Variants in CHRM3 observed in about 807,000 individuals in gnomAD.
The protein encoded by CHRM3 is muscarinic acetylcholine receptor M3.
CHRM3 carries 11 observed loss-of-function variants against 41.8 expected under a neutral mutation model. The observed-to-expected ratio is 0.26, with a 90% confidence interval of 0.17 to 0.44. The LOEUF (loss-of-function observed/expected upper bound fraction) is 0.44, where lower values mean the gene tolerates loss of function less well. Ranked by LOEUF, CHRM3 falls within the 20% of genes least tolerant of loss-of-function variation. CHRM3 has a pLI of 1.00. For synonymous variants in CHRM3, 297 were observed against 301.4 expected, an observed-to-expected ratio of 0.99 and a Z score of 0.15; for missense variants, 571 against 745.4, an observed-to-expected ratio of 0.77 and a Z score of 2.72.
intron 3 of CHRM3, among the ~76,000 whole-genome samples, chr1:239,581,712 G>T (rs1030283481): frequency 3.9e-4 from 60 of 152,228 alleles, no homozygotes; most frequent in African/African-American, 1.4e-3. Context: ...AAAGTAGGTA[G>T]TATCCCTATT....
intron 6 of CHRM3, among the ~76,000 whole-genome samples, chr1:239,847,242 G>A (rs1301756777): frequency 6.6e-6 from 1 of 152,290 alleles, no homozygotes; most frequent in East Asian, 1.9e-4. Flanking sequence ...CTGACTGCCA[G>A]AAAGATAGGA....
At position 239,551,568 on chromosome 1, in the gene CHRM3, A is replaced by G. The variant is rs562267141; in HGVS notation, c.-313+5819A>G. ...TGTGTCAATAAATGAGTAGCTATACATCACTCAGAGGAGGACTTAAACTTG... is the reference window on the plus strand; with the variant it reads ...TGTGTCAATAAATGAGTAGCTATACGTCACTCAGAGGAGGACTTAAACTTG... On this transcript the variant is annotated intron_variant, in intron 3 of 6. Coordinates refer to ENST00000676153, the MANE Select transcript of CHRM3 (RefSeq NM_001375978.1). 2.0e-5 allele frequency among the ~76,000 whole-genome samples: 3 copies of G among 151,828 alleles called. 1 individual carries two copies. The South Asian group carries it at 6.2e-4, about 32-fold the overall frequency.
chr1:239,817,763 C>G (rs1018531507), intron 5 of CHRM3, among the ~76,000 whole-genome samples: 3 of 152,120 alleles, frequency 2.0e-5, no homozygotes, highest in Non-Finnish European at 4.4e-5. Context: ...CCTTGGCACA[C>G]TCAGGGAACT....
intron 2 of CHRM3, among the ~76,000 whole-genome samples, chr1:239,516,591 G>A (rs1233908995): frequency 1.3e-5 from 2 of 152,166 alleles, no homozygotes; most frequent in South Asian, 2.1e-4. Context: ...GCCTCTTGAA[G>A]CTTCAGTTCC....
Position 239,697,582 on chromosome 1 carries a change from G to A in CHRM3, c.-147+19294G>A, listed in dbSNP as rs571249549. Among the ~76,000 whole-genome samples, 4 of 152,300 alleles carry A rather than the reference G, an allele frequency of 2.6e-5. No homozygotes were observed. The South Asian group carries it at 8.3e-4, about 32-fold the overall frequency. On this transcript the variant is annotated intron_variant, in intron 5 of 6. Coordinates refer to ENST00000676153, the MANE Select transcript of CHRM3 (RefSeq NM_001375978.1). Reference sequence around the variant, plus strand: ...AAGGATAGAAAGGAGATGGGTTTGAGTGCAGAGAAACCAGTCCCTAAGAAC... The same window carrying A: ...AAGGATAGAAAGGAGATGGGTTTGAATGCAGAGAAACCAGTCCCTAAGAAC...
chr1:239,463,899 A>G (rs181880541), intron 1 of CHRM3, among the ~76,000 whole-genome samples: 1 of 152,296 alleles, frequency 6.6e-6, no homozygotes, highest in Non-Finnish European at 1.5e-5. Context: ...TATGAATTTC[A>G]GGATCTTAGA....
rs367585102 is a variant in CHRM3 at position 239,506,354 on chromosome 1, C to T, written c.-422+13547C>T. Among the ~76,000 whole-genome samples the T allele has an allele frequency of 4.6e-5, 7 of 152,146 alleles. No homozygotes were observed. The East Asian group carries it at 9.7e-4, about 21-fold the overall frequency. Reference sequence around the variant, plus strand: ...CTGTGCAGCCTAGGGACTTGGTATCCTGTGTTCTAGCCACTCCAGCCATGG... The same window carrying T: ...CTGTGCAGCCTAGGGACTTGGTATCTTGTGTTCTAGCCACTCCAGCCATGG... On this transcript the variant is annotated intron_variant, in intron 2 of 6. Coordinates refer to ENST00000676153, the MANE Select transcript of CHRM3 (RefSeq NM_001375978.1).
At chr1:239,411,148 A>G (rs1260625417) in intron 1 of CHRM3, among the ~76,000 whole-genome samples, 1 of 152,142 alleles carries the variant, frequency 6.6e-6, no homozygotes, top group African/African-American at 2.4e-5. Flanking sequence ...GAAGGAAGGA[A>G]AGGGAAGAAA....
At chr1:239,391,117 G>A (rs139257027) in intron 1 of CHRM3, among the ~76,000 whole-genome samples, 11 of 152,312 alleles carry the variant, frequency 7.2e-5, no homozygotes, top group African/African-American at 2.2e-4. Flanking sequence ...CAGCCTGTAC[G>A]AGAGTCTGAG....
intron 3 of CHRM3, among the ~76,000 whole-genome samples, chr1:239,592,746 G>T (rs1664323319): frequency 6.6e-6 from 1 of 151,964 alleles, no homozygotes; most frequent in Admixed American, 6.6e-5. Flanking sequence ...TGGGCATTTG[G>T]GTTGTTTCCA....
rs1680155088 is a variant in CHRM3 at position 239,908,596 on chromosome 1, A to G, written c.1145A>G (p.Lys382Arg). 4 of 1,602,514 alleles carry G rather than the reference A, an allele frequency of 2.5e-6. No homozygotes were observed. Among genetic ancestry groups the G allele is most frequent in the South Asian group, 2.3e-5 (2 of 88,862 alleles). ...PGHSTILNSTKLPSSDNLQVP... is the reference protein window; with the variant it reads ...PGHSTILNSTRLPSSDNLQVP... Reference sequence around the variant, plus strand: ...CACAGCACCATCCTCAACTCCACCAAGTTACCCTCATCGGACAACCTGCAG... The same window carrying G: ...CACAGCACCATCCTCAACTCCACCAGGTTACCCTCATCGGACAACCTGCAG... The change falls in exon 7 of 7, where the codon AAG becomes AGG. Residue 382 changes from lysine (K) to arginine (R), a missense_variant. Transcript: ENST00000676153. The surrounding 1 kb of genome is among the most constrained non-coding windows in gnomAD (Gnocchi z 7.2).
chr1:239,884,750 G>GT (rs1677927686), intron 6 of CHRM3, among the ~76,000 whole-genome samples: 1 of 152,142 alleles, frequency 6.6e-6, no homozygotes, highest in African/African-American at 2.4e-5. Flanking sequence ...AAACTCAGCA[G>GT]TTGTATGGTG....
At chr1:239,725,732 T>G (rs955277028) in intron 5 of CHRM3, among the ~76,000 whole-genome samples, 3 of 151,948 alleles carry the variant, frequency 2.0e-5, no homozygotes, top group South Asian at 2.1e-4. Context: ...AAAGACTCTT[T>G]GCCCTGACGT....
At chr1:239,631,309 CCTCT>C (rs1274269266) in intron 3 of CHRM3, among the ~76,000 whole-genome samples, 1 of 152,158 alleles carries the variant, frequency 6.6e-6, no homozygotes, top group Non-Finnish European at 1.5e-5. Flanking sequence ...TCACTAGGCT[CCTCT>C]CTCACTTGCT....
At chr1:239,460,110 G>A (rs935337408) in intron 1 of CHRM3, among the ~76,000 whole-genome samples, 1 of 152,096 alleles carries the variant, frequency 6.6e-6, no homozygotes, top group East Asian at 1.9e-4. Context: ...ATCATAGTCC[G>A]GCTCCAGAAC....
intron 6 of CHRM3, among the ~76,000 whole-genome samples, chr1:239,834,859 GT>G (rs1673186209): frequency 6.6e-6 from 1 of 152,052 alleles, no homozygotes; most frequent in Admixed American, 6.6e-5. Flanking sequence ...TATTCACTGG[GT>G]ACACCTTGAA....
intron 5 of CHRM3, among the ~76,000 whole-genome samples, chr1:239,776,963 A>T (rs1572258934): frequency 6.6e-6 from 1 of 152,204 alleles, no homozygotes; most frequent in African/African-American, 2.4e-5. Context: ...ACCTCCTACC[A>T]GGTCCCTTCC....
chr1:239,491,356 T>C (rs1572483044), intron 1 of CHRM3, among the ~76,000 whole-genome samples: 1 of 152,160 alleles, frequency 6.6e-6, no homozygotes, highest in African/African-American at 2.4e-5. Context: ...CCACTACCCC[T>C]CCCAGCCTTC....
chr1:239,456,269 G>A (rs2103357330), intron 1 of CHRM3, among the ~76,000 whole-genome samples: 1 of 152,230 alleles, frequency 6.6e-6, no homozygotes, highest in East Asian at 1.9e-4. Flanking sequence ...CTCACCCAGA[G>A]CAACTTCCAA....
Sources: gnomAD v4.1 joint callset for allele counts (sites outside exome capture counted in the v4.1 genomes callset) on GRCh38, gnomAD v4.1.1 for gene constraint, Gnocchi (gnomAD v3.1) non-coding constraint, MANE v1.5 for transcripts, NCBI Gene and HGNC (gene_info 2026-07-23, HGNC 2026-07-21) for gene names.